ATG4C: variants seen among roughly 807,000 people sequenced by gnomAD.
ATG4C encodes the protein cysteine protease ATG4C.
A neutral mutation model predicts 57.6 loss-of-function variants in ATG4C; 56 were observed. The observed-to-expected ratio is 0.97, with a 90% CI of 0.78 to 1.21. The LOEUF (loss-of-function observed/expected upper bound fraction) is 1.21. Ranked by LOEUF, ATG4C falls within the 50% of genes most tolerant of loss-of-function variation. The pLI, the probability that ATG4C is intolerant of heterozygous loss-of-function variation, is 0.00. For synonymous variants in ATG4C, 157 were observed against 174.1 expected (o/e 0.90, Z 0.78); for missense variants, 595 against 529.8 (o/e 1.12, Z -1.21).
In ATG4C at chr1:62,784,132, A is replaced by T. The variant is rs1454699457; in HGVS notation, c.-210A>T. ...TCTTACTACGGTGGCCGGGGTGCTC[A>T]AAGTACCTGTAGCTGCGGCGCTGAG... On this transcript the variant is annotated 5_prime_UTR_variant, in exon 1 of 11. Coordinates refer to ENST00000317868, the MANE Select transcript of ATG4C (RefSeq NM_032852.4). 1 of 152,720 alleles carries T rather than the reference A, an allele frequency of 6.5e-6. No individual in the cohort carries two copies. Among genetic ancestry groups the T allele is most frequent in the Non-Finnish European group, 1.5e-5 (1 of 68,182 alleles). 9.5% of individuals were successfully genotyped at this position (152,720 alleles called of 1,614,324 possible).
chr1:62,806,989 G>A (rs780309488), intron 3 of ATG4C, among the ~76,000 whole-genome samples: 2 of 152,120 alleles, frequency 1.3e-5, no homozygotes, highest in African/African-American at 4.8e-5. Flanking sequence ...GTAGGAGATG[G>A]GGTACCCAGC....
chr1:62,857,953 T>C lies in ATG4C; in HGVS notation c.1210-6039T>C, dbSNP rs571369668. On this transcript the variant is annotated intron_variant, in intron 10 of 10. Transcript: ENST00000317868. ...GAAGTTTCTGGGAAGGCTTTTGCTC[T>C]CCTGCTGTAATGGGATGTAGATGCA... 3.5e-4 allele frequency among the ~76,000 whole-genome samples: 53 copies of C among 152,312 alleles called. 1 individual carries two copies. Among genetic ancestry groups the C allele is most frequent in the Admixed American group, 3.5e-3 (53 of 15,302 alleles).
chr1:62,819,673 T>A (rs1238761628), intron 5 of ATG4C, among the ~76,000 whole-genome samples: 3 of 152,022 alleles, frequency 2.0e-5, no homozygotes, highest in Non-Finnish European at 4.4e-5. Context: ...TAGTTTTTTT[T>A]AATAGTGTAA....
chr1:62,827,245 G>C (rs1012651692), intron 6 of ATG4C, among the ~76,000 whole-genome samples: 1 of 152,020 alleles, frequency 6.6e-6, no homozygotes, highest in African/African-American at 2.4e-5. Flanking sequence ...TTTTGCTACT[G>C]TACCCCTTGT....
intron 1 of ATG4C, among the ~76,000 whole-genome samples, chr1:62,789,087 G>A (rs1453968520): frequency 1.3e-5 from 2 of 152,086 alleles, no homozygotes; most frequent in African/African-American, 4.8e-5. Flanking sequence ...TGTTTTGCAG[G>A]TTTTGTTTTC....
chr1:62,803,379 C>T (rs527263092), intron 1 of ATG4C, among the ~76,000 whole-genome samples: 27 of 152,182 alleles, frequency 1.8e-4, no homozygotes, highest in African/African-American at 4.8e-4. Flanking sequence ...TTCTCACTTG[C>T]GCCAATGCAC....
intron 10 of ATG4C, among the ~76,000 whole-genome samples, chr1:62,849,136 C>T: frequency 6.6e-6 from 1 of 152,166 alleles, no homozygotes; most frequent in South Asian, 2.1e-4. Flanking sequence ...AACTTTGACC[C>T]CTTGGTTAAA....
chr1:62,822,808 T>C (rs1196233912), intron 6 of ATG4C, among the ~76,000 whole-genome samples: 1 of 152,170 alleles, frequency 6.6e-6, no homozygotes, highest in Non-Finnish European at 1.5e-5. Context: ...TTGCATCTAT[T>C]TTTATGGCTT....
At chr1:62,852,724 T>A (rs186488227) in intron 10 of ATG4C, among the ~76,000 whole-genome samples, 52 of 149,882 alleles carry the variant, frequency 3.5e-4, no homozygotes, top group Admixed American at 1.5e-3. Flanking sequence ...TCCCCTTTTT[T>A]CATTTCCTTA....
In ATG4C at chr1:62,819,200, A is replaced by T. The variant is rs545667264; in HGVS notation, c.590A>T (p.His197Leu). 4.5e-5 allele frequency: 72 copies of T among 1,613,636 alleles called. 1 individual carries two copies. The South Asian group carries it at 6.9e-4, about 16-fold the overall frequency. The stretch of plus-strand genomic sequence containing the variant: ...CATGAAATGCGAAATGAAGTTTATC[A>T]TAGGAAAATCATCTCTTGGTTTGGT... ...DDHEMRNEVYHRKIISWFGDS... is the reference protein window; with the variant it reads ...DDHEMRNEVYLRKIISWFGDS... The change falls in exon 5 of 11, where the codon CAT becomes CTT. Residue 197 changes from histidine to leucine, a missense_variant. Transcript: ENST00000317868.
At chr1:62,821,770 A>G (rs1042701138) in intron 6 of ATG4C, among the ~76,000 whole-genome samples, 1 of 152,136 alleles carries the variant, frequency 6.6e-6, no homozygotes, top group Non-Finnish European at 1.5e-5. Context: ...ATTTGCATGT[A>G]TGTAATGAGA....
At chr1:62,858,138 C>A (rs1666742033) in intron 10 of ATG4C, among the ~76,000 whole-genome samples, 1 of 152,216 alleles carries the variant, frequency 6.6e-6, no homozygotes, top group Non-Finnish European at 1.5e-5. Flanking sequence ...CTGGTGAAAA[C>A]AGTTCGTATT....
At chr1:62,838,604 C>T (rs997802810) in intron 9 of ATG4C, among the ~76,000 whole-genome samples, 1 of 151,974 alleles carries the variant, frequency 6.6e-6, no homozygotes, top group Non-Finnish European at 1.5e-5. Flanking sequence ...ATGGTGAAAC[C>T]CCGTCTCTAC....
intron 6 of ATG4C, among the ~76,000 whole-genome samples, chr1:62,827,980 G>A (rs766984039): frequency 1.3e-5 from 2 of 152,188 alleles, no homozygotes; most frequent in Non-Finnish European, 2.9e-5. Flanking sequence ...TGCCACAAAA[G>A]ACATGATCTC....
chr1:62,787,705 T>C (rs996866984), intron 1 of ATG4C, among the ~76,000 whole-genome samples: 3 of 152,062 alleles, frequency 2.0e-5, no homozygotes, highest in Non-Finnish European at 4.4e-5. Flanking sequence ...GAAGAAGTTA[T>C]ACAGCTTTTC....
At position 62,816,816 on chromosome 1, in the gene ATG4C, A is replaced by G. The variant is rs1028957505; in HGVS notation, c.394+8A>G. 3 of 1,502,200 alleles carry G rather than the reference A, an allele frequency of 2.0e-6. No individual in the cohort carries two copies. The highest frequency in any genetic ancestry group is 2.4e-5 in the Admixed American group (1 of 42,410). The allele number at this position is 1,502,200 out of a possible 1,614,324, so 93.1% of individuals were successfully genotyped here. ...TACACTTTCTTGGTAGAGGTAAATC[A>G]AATTTCTGTTTTTGTTTTGTTTTGT... On this transcript the variant is annotated splice_region_variant and intron_variant, in intron 4 of 10. Transcript: ENST00000317868.
intron 9 of ATG4C, among the ~76,000 whole-genome samples, chr1:62,837,193 TC>T (rs1374187973): frequency 6.6e-6 from 1 of 152,220 alleles, no homozygotes; most frequent in Non-Finnish European, 1.5e-5. Flanking sequence ...AATTAGTATA[TC>T]CTATTGAATT....
intron 8 of ATG4C, 46 bp from the exon 9 acceptor site, chr1:62,834,730 A>G (rs769229670): frequency 6.8e-7 from 1 of 1,477,076 alleles, no homozygotes; most frequent in Non-Finnish European, 9.4e-7. Flanking sequence ...GCAGTGTAAT[A>G]ATAAGGTGTT....
rs1161449502 is a variant in ATG4C at position 62,850,854 on chromosome 1, GTATATATATATATA to G, written c.1209+9342_1209+9355del. Reference sequence around the variant, plus strand: ...CATGTATGTATGTGTGTGTATGTATGTATATATATATATATATATATATATATATATATATATAT... The same window carrying G: ...CATGTATGTATGTGTGTGTATGTATGTATATATATATATATATATATATAT... On this transcript the variant is annotated intron_variant, in intron 10 of 10. Transcript: ENST00000317868. Among the ~76,000 whole-genome samples, 359 of 84,132 alleles carry G rather than the reference GTATATATATATATA, an allele frequency of 4.3e-3. 6 individuals are homozygous for G. Among genetic ancestry groups the G allele is most frequent in the Middle Eastern group, 0.022 (3 of 138 alleles). 55.2% of individuals were successfully genotyped at this position (84,132 alleles called of 152,430 possible). A position where few individuals can be genotyped will look rare whatever the true frequency, so the allele number is the denominator to read the frequency against.
Sources: allele counts gnomAD v4.1 joint callset (sites outside exome capture counted in the v4.1 genomes callset), GRCh38; gene constraint gnomAD v4.1.1; transcripts MANE v1.5; gene names NCBI Gene and HGNC (gene_info 2026-07-23, HGNC 2026-07-21).